The following PDZRN4 variants were observed in gnomAD, a reference collection of about 807,000 sequenced individuals.
PDZRN4 encodes PDZ domain containing ring finger 4.
In PDZRN4, 70 loss-of-function variants were observed where a neutral mutation model predicts 99.0. That is an observed-to-expected ratio of 0.71 (90% CI 0.58 to 0.86). The LOEUF is 0.86. Among genes scored for constraint, PDZRN4 ranks in the 40% least tolerant of loss-of-function variants. The pLI is 0.00. For synonymous variants in PDZRN4, 551 were observed against 501.6 expected, an observed-to-expected ratio of 1.10 and a Z score of -1.32; for missense variants, 1,474 against 1,331.2, an observed-to-expected ratio of 1.11 and a Z score of -1.67.
chr12:41,418,410 A>G (rs752045562), intron 3 of PDZRN4, among the ~76,000 whole-genome samples: 1 of 152,222 alleles, frequency 6.6e-6, no homozygotes, highest in Non-Finnish European at 1.5e-5. Flanking sequence ...ATTCCAGTTT[A>G]CATCAAAACA....
chr12:41,271,938 A>G (rs1243378222), intron 3 of PDZRN4, among the ~76,000 whole-genome samples: 1 of 152,102 alleles, frequency 6.6e-6, no homozygotes, highest in African/African-American at 2.4e-5. Flanking sequence ...CTCATAAAAG[A>G]TCTTTATATT....
chr12:41,385,662 A>T (rs1180507791), intron 3 of PDZRN4, among the ~76,000 whole-genome samples: 2 of 152,154 alleles, frequency 1.3e-5, no homozygotes, highest in Non-Finnish European at 2.9e-5. Flanking sequence ...TGAGCTCTGA[A>T]ATTTAGTTAG....
chr12:41,220,423 G>A (rs1388515009), intron 3 of PDZRN4, among the ~76,000 whole-genome samples: 1 of 152,074 alleles, frequency 6.6e-6, no homozygotes, highest in Non-Finnish European at 1.5e-5. Flanking sequence ...ATGTCCAAAT[G>A]CAGTCACATT....
intron 5 of PDZRN4, 130 bp from the exon 6 acceptor site, chr12:41,552,525 AG>A: frequency 1.9e-6 from 1 of 523,240 alleles, no homozygotes; most frequent in South Asian, 3.3e-5. Context: ...AAAAAAAAAA[AG>A]TTAATTTCCA....
At chr12:41,325,974 T>C (rs542531818) in intron 3 of PDZRN4, among the ~76,000 whole-genome samples, 6 of 152,136 alleles carry the variant, frequency 3.9e-5, no homozygotes, top group Admixed American at 2.6e-4. Context: ...GCTTTCGATG[T>C]TTCTCTTCTC....
chr12:41,459,693 G>A (rs1423899948), intron 3 of PDZRN4, among the ~76,000 whole-genome samples: 1 of 152,118 alleles, frequency 6.6e-6, no homozygotes, highest in East Asian at 1.9e-4. Context: ...ATGAACAACA[G>A]GCTCTAAATT....
intron 5 of PDZRN4, among the ~76,000 whole-genome samples, chr12:41,522,350 T>C (rs1212080240): frequency 1.3e-5 from 2 of 152,152 alleles, no homozygotes; most frequent in Non-Finnish European, 2.9e-5. Flanking sequence ...CAGCAGACTT[T>C]CCATGACTTA....
At chr12:41,498,337 G>C (rs1295000100) in intron 3 of PDZRN4, among the ~76,000 whole-genome samples, 2 of 152,112 alleles carry the variant, frequency 1.3e-5, no homozygotes, top group African/African-American at 4.8e-5. Context: ...GTCATAGTTT[G>C]CTTTCTGCTG....
chr12:41,496,983 C>T (rs1284180036), intron 3 of PDZRN4, among the ~76,000 whole-genome samples: 1 of 152,022 alleles, frequency 6.6e-6, no homozygotes, highest in Non-Finnish European at 1.5e-5. Context: ...ATCTTCTTTC[C>T]CGTTATGACA....
intron 3 of PDZRN4, among the ~76,000 whole-genome samples, chr12:41,241,762 G>T (rs1196127521): frequency 6.6e-6 from 1 of 151,994 alleles, no homozygotes; most frequent in African/African-American, 2.4e-5. Context: ...TAGTATTCAT[G>T]GTTTTATTAT....
chr12:41,454,719 A>G (rs1952804104), intron 3 of PDZRN4, among the ~76,000 whole-genome samples: 1 of 152,254 alleles, frequency 6.6e-6, no homozygotes, highest in Admixed American at 6.5e-5. Flanking sequence ...AAGCTGGTCC[A>G]CATTTTCAGC....
At chr12:41,204,912 T>C (rs1400698073) in intron 3 of PDZRN4, among the ~76,000 whole-genome samples, 4 of 151,970 alleles carry the variant, frequency 2.6e-5, no homozygotes. Context: ...TCCTAGAATA[T>C]TGCAATTTAC....
intron 3 of PDZRN4, among the ~76,000 whole-genome samples, chr12:41,230,937 CTT>C (rs1398664608): frequency 1.3e-5 from 2 of 151,998 alleles, no homozygotes; most frequent in Admixed American, 1.3e-4. Context: ...ACAATATACT[CTT>C]TGTTTTGTCT....
At position 41,283,927 on chromosome 12, in the gene PDZRN4, G is replaced by T. The variant is rs190097327; in HGVS notation, c.843+89739G>T. 9.9e-5 allele frequency among the ~76,000 whole-genome samples: 15 copies of T among 152,284 alleles called. No homozygotes were observed. The East Asian group carries it at 2.9e-3, about 29-fold the overall frequency. ...CATACTGAATGGGCAAAAACTGGAA[G>T]CATTCCCTTTGAAAACTGGCACAAG... is the stretch of plus-strand genomic sequence containing the variant. On this transcript the variant is annotated intron_variant, in intron 3 of 9. Coordinates refer to ENST00000402685, the MANE Select transcript of PDZRN4 (RefSeq NM_001164595.2).
intron 3 of PDZRN4, among the ~76,000 whole-genome samples, chr12:41,242,686 A>G (rs913711788): frequency 2.0e-5 from 3 of 152,168 alleles, no homozygotes; most frequent in African/African-American, 7.2e-5. Flanking sequence ...GGGTTTTGCC[A>G]TATTGCCCAG....
At chr12:41,443,294 A>G (rs528090200) in intron 3 of PDZRN4, among the ~76,000 whole-genome samples, 18 of 152,168 alleles carry the variant, frequency 1.2e-4, no homozygotes, top group African/African-American at 3.9e-4. Flanking sequence ...GGAGTGGGGG[A>G]GAAGAAGGGA....
chr12:41,500,629 A>G (rs1458155), intron 3 of PDZRN4, among the ~76,000 whole-genome samples: 10,930 of 151,946 alleles, frequency 0.072, 953 homozygotes, highest in African/African-American at 0.19. Context: ...CCTTCATACA[A>G]TTTTGCAGAT....
intron 3 of PDZRN4, among the ~76,000 whole-genome samples, chr12:41,502,599 C>T (rs1938130485): frequency 6.6e-6 from 1 of 152,116 alleles, no homozygotes; most frequent in Admixed American, 6.6e-5. Flanking sequence ...GATCTTCCCA[C>T]CTTTTACTGG....
chr12:41,270,904 G>A (rs1951310646), intron 3 of PDZRN4, among the ~76,000 whole-genome samples: 1 of 152,004 alleles, frequency 6.6e-6, no homozygotes, highest in Non-Finnish European at 1.5e-5. Flanking sequence ...AACTGATTTA[G>A]TGAAAAATTT....
Sources: allele counts gnomAD v4.1 joint callset (sites outside exome capture counted in the v4.1 genomes callset), GRCh38; gene constraint gnomAD v4.1.1; transcripts MANE v1.5; gene names NCBI Gene and HGNC (gene_info 2026-07-23, HGNC 2026-07-21).